RBPJ: variants seen among roughly 807,000 people sequenced by gnomAD.
RBPJ encodes recombination signal binding protein for immunoglobulin kappa J region.
Under a neutral mutation model 67.8 loss-of-function variants are expected in RBPJ, and 9 were observed. The observed-to-expected ratio is 0.13, with a 90% CI of 0.08 to 0.23. The LOEUF (loss-of-function observed/expected upper bound fraction) is 0.23, where lower values mean the gene tolerates loss of function less well. Among genes scored for constraint, RBPJ ranks in the 10% least tolerant of loss-of-function variants. The pLI, the probability that RBPJ is intolerant of heterozygous loss-of-function variation, is 1.00. For synonymous variants in RBPJ, 198 were observed against 203.3 expected (o/e 0.97, Z 0.22); for missense variants, 305 against 595.6 (o/e 0.51, Z 5.08).
intron 1 of RBPJ, among the ~76,000 whole-genome samples, chr4:26,376,616 C>G (rs1229051212): frequency 6.6e-6 from 1 of 152,164 alleles, no homozygotes; most frequent in African/African-American, 2.4e-5. Flanking sequence ...TCTTTTAATT[C>G]CAGCTTCTGT....
chr4:26,377,122 A>C (rs1447503989), intron 1 of RBPJ, among the ~76,000 whole-genome samples: 2 of 152,266 alleles, frequency 1.3e-5, no homozygotes, highest in Non-Finnish European at 2.9e-5. Context: ...GGTATCATTC[A>C]GTAATCCAGC....
intron 1 of RBPJ, among the ~76,000 whole-genome samples, chr4:26,356,617 T>C (rs1727407564): frequency 6.6e-6 from 1 of 152,274 alleles, no homozygotes. Flanking sequence ...TTAGTTCTTT[T>C]CTTATCAGTG....
the RBPJ span, chr4:26,113,465 C>G: frequency 1.8e-6 from 1 of 548,908 alleles, no homozygotes. Context: ...CAACCATCAG[C>G]AAACACACAC....
chr4:26,123,323 AT>A, the RBPJ span, among the ~76,000 whole-genome samples: 3 of 152,164 alleles, frequency 2.0e-5, no homozygotes, highest in Non-Finnish European at 4.4e-5. Flanking sequence ...GGTATAAAAT[AT>A]TTTTTAAAAA....
At chr4:26,325,594 G>GAT (rs1475118064) in intron 1 of RBPJ, among the ~76,000 whole-genome samples, 1 of 152,214 alleles carries the variant, frequency 6.6e-6, no homozygotes, top group Non-Finnish European at 1.5e-5. Context: ...GATTAAATGA[G>GAT]ATAATGTATG....
chr4:26,140,898 G>A, the RBPJ span, among the ~76,000 whole-genome samples: 2 of 148,650 alleles, frequency 1.3e-5, no homozygotes, highest in Non-Finnish European at 3.0e-5. Context: ...AATGGCAGAG[G>A]AGAATTCTAA....
the RBPJ span, among the ~76,000 whole-genome samples, chr4:26,152,727 C>A: frequency 6.6e-6 from 1 of 152,240 alleles, no homozygotes; most frequent in East Asian, 1.9e-4. Flanking sequence ...AATCACTAAT[C>A]CATATTGAAT....
At chr4:26,293,253 A>T (rs139695433) in intron 1 of RBPJ, among the ~76,000 whole-genome samples, 1 of 148,726 alleles carries the variant, frequency 6.7e-6, no homozygotes, top group East Asian at 2.0e-4. Context: ...TCCCCCCTTT[A>T]CTAGGTGTTA....
intron 1 of RBPJ, among the ~76,000 whole-genome samples, chr4:26,227,985 G>A (rs1207286513): frequency 6.6e-6 from 1 of 152,194 alleles, no homozygotes; most frequent in Admixed American, 6.5e-5. Flanking sequence ...TCACCGTGAT[G>A]CGCAAGCCAT....
chr4:26,222,888 G>T (rs1456985136), intron 1 of RBPJ, among the ~76,000 whole-genome samples: 1 of 151,904 alleles, frequency 6.6e-6, no homozygotes, highest in Non-Finnish European at 1.5e-5. Flanking sequence ...AGGCGTGGTG[G>T]CTCAAGCCTG....
intron 1 of RBPJ, among the ~76,000 whole-genome samples, chr4:26,345,451 C>G (rs1297547843): frequency 6.6e-6 from 1 of 152,186 alleles, no homozygotes; most frequent in Non-Finnish European, 1.5e-5. Context: ...CCAAAAGCGC[C>G]TACTGAGGTT....
intron 5 of RBPJ, among the ~76,000 whole-genome samples, chr4:26,422,314 A>G (rs1249004527): frequency 6.6e-6 from 1 of 152,006 alleles, no homozygotes; most frequent in African/African-American, 2.4e-5. Context: ...AATGGTTTTA[A>G]TAGTCATTGA....
chr4:26,280,598 G>A (rs577025845), intron 1 of RBPJ, among the ~76,000 whole-genome samples: 2 of 152,120 alleles, frequency 1.3e-5, no homozygotes, highest in East Asian at 3.9e-4. Flanking sequence ...ATTATTAAAA[G>A]CAAATGGCTT....
chr4:26,308,374 A>G (rs1006746431), intron 1 of RBPJ, among the ~76,000 whole-genome samples: 3 of 152,260 alleles, frequency 2.0e-5, no homozygotes, highest in South Asian at 4.1e-4. Context: ...TATAAAACAA[A>G]GTATGTACTT....
At chr4:26,159,189 T>G (rs796631963), upstream of RBPJ, among the ~76,000 whole-genome samples, 7 of 152,296 alleles carry the variant, frequency 4.6e-5, no homozygotes, top group African/African-American at 1.7e-4. Flanking sequence ...CTAGACACTT[T>G]CATGTATAAG....
chr4:26,410,757 A>G (rs1733933785), intron 3 of RBPJ, among the ~76,000 whole-genome samples: 2 of 152,248 alleles, frequency 1.3e-5, no homozygotes, highest in Admixed American at 1.3e-4. Context: ...TGGAATGGAT[A>G]AAAAGCCTTC....
chr4:26,191,210 TAGAGAGAGAGAGAG>T (rs545388933), intron 1 of RBPJ, among the ~76,000 whole-genome samples: 48 of 26,838 alleles, frequency 1.8e-3, no homozygotes, highest in African/African-American at 5.7e-3. Context: ...TATATATATA[TAGAGAGAGAGAGAG>T]AGAGAGAGAG....
chr4:26,426,463 A>G (rs939926083), intron 7 of RBPJ, among the ~76,000 whole-genome samples: 2 of 152,236 alleles, frequency 1.3e-5, no homozygotes, highest in Non-Finnish European at 2.9e-5. Context: ...AACTTATTAG[A>G]AAAAGTTGCA....
At chr4:26,306,006 G>A (rs1288022796) in intron 1 of RBPJ, among the ~76,000 whole-genome samples, 1 of 126,034 alleles carries the variant, frequency 7.9e-6, no homozygotes, top group Non-Finnish European at 1.6e-5. Context: ...GGCTGGTCTC[G>A]AACTCCTGAG....
Sources: gnomAD v4.1 joint callset for allele counts (sites outside exome capture counted in the v4.1 genomes callset) on GRCh38, gnomAD v4.1.1 for gene constraint, MANE v1.5 for transcripts, NCBI Gene and HGNC (gene_info 2026-07-23, HGNC 2026-07-21) for gene names.